The following CDH10 variants were observed in gnomAD, a reference collection of about 807,000 sequenced individuals.
The protein encoded by CDH10 is cadherin 10.
CDH10 carries 30 observed loss-of-function variants against 73.1 expected under a neutral mutation model. The observed-to-expected ratio is 0.41, with a 90% CI of 0.31 to 0.56. The LOEUF (loss-of-function observed/expected upper bound fraction) is 0.56. Among genes scored for constraint, CDH10 ranks in the 20% least tolerant of loss-of-function variants. CDH10 has a pLI of 0.27. For synonymous variants in CDH10, 345 were observed against 348.2 expected, an observed-to-expected ratio of 0.99 and a Z score of 0.10; for missense variants, 815 against 973.7, an observed-to-expected ratio of 0.84 and a Z score of 2.17.
At chr5:24,604,192 A>G (rs948439972) in intron 1 of CDH10, among the ~76,000 whole-genome samples, 3 of 152,048 alleles carry the variant, frequency 2.0e-5, no homozygotes, top group Non-Finnish European at 2.9e-5. Flanking sequence ...CTACAAAAAA[A>G]TTTAAAAATT....
chr5:24,490,127 ATAT>A (rs1174292511), intron 11 of CDH10, among the ~76,000 whole-genome samples: 1 of 152,156 alleles, frequency 6.6e-6, no homozygotes, highest in Non-Finnish European at 1.5e-5. Flanking sequence ...ACTACCATTA[ATAT>A]TATTCTTACT....
Position 24,582,324 on chromosome 5 carries a change from G to C in CDH10, c.231+10936C>G, listed in dbSNP as rs149060480. ...CAACAATATTTGGCAAAAGAAGAAA[G>C]ACAAAAGATTATCTGAACTATGATT... On this transcript the variant is annotated intron_variant, in intron 2 of 11. Coordinates refer to ENST00000264463, the MANE Select transcript of CDH10 (RefSeq NM_006727.5). 1.3e-3 allele frequency among the ~76,000 whole-genome samples: 205 copies of C among 152,202 alleles called. 6 individuals carry two copies. The East Asian group carries it at 0.038, about 28-fold the overall frequency.
chr5:24,597,602 T>A (rs959844508), intron 1 of CDH10, among the ~76,000 whole-genome samples: 6 of 152,234 alleles, frequency 3.9e-5, no homozygotes, highest in African/African-American at 1.4e-4. Context: ...TTAATCATGC[T>A]GTCAACTATG....
chr5:24,537,091 G>C (rs1222371189), intron 3 of CDH10, among the ~76,000 whole-genome samples: 1 of 151,506 alleles, frequency 6.6e-6, no homozygotes, highest in African/African-American at 2.4e-5. Flanking sequence ...TGAATCCAAG[G>C]GACAAAAAAA....
At chr5:24,509,391 C>G (rs941419712) in intron 7 of CDH10, among the ~76,000 whole-genome samples, 175 bp downstream of exon 7, 12 of 151,754 alleles carry the variant, frequency 7.9e-5, no homozygotes, top group Admixed American at 7.9e-4. Flanking sequence ...AGGCACGTGC[C>G]ACCAAGACCG....
intron 1 of CDH10, among the ~76,000 whole-genome samples, chr5:24,626,649 A>AG: frequency 6.6e-6 from 1 of 151,812 alleles, no homozygotes; most frequent in Non-Finnish European, 1.5e-5. Context: ...ACTGGCATAC[A>AG]CCTGTAATCC....
chr5:24,548,730 CAAAA>C (rs1251524842), intron 2 of CDH10, among the ~76,000 whole-genome samples: 2 of 151,928 alleles, frequency 1.3e-5, no homozygotes, highest in East Asian at 3.9e-4. Flanking sequence ...ATCTGATAAA[CAAAA>C]AGAAAACTTT....
At chr5:24,537,719 T>C (rs1744010593) in intron 2 of CDH10, 45 bp from the exon 3 acceptor site, 1 of 1,234,450 alleles carries the variant, frequency 8.1e-7, no homozygotes, top group African/African-American at 1.5e-5. Context: ...TGTATAAAGG[T>C]GCAGGATGCT....
chr5:24,518,683 T>C (rs1416136751), intron 5 of CDH10, among the ~76,000 whole-genome samples: 1 of 152,026 alleles, frequency 6.6e-6, no homozygotes, highest in African/African-American at 2.4e-5. Flanking sequence ...CCCCTTTCAA[T>C]GAATATCATG....
intron 5 of CDH10, among the ~76,000 whole-genome samples, chr5:24,515,117 A>G (rs1743060544): frequency 6.6e-6 from 1 of 152,224 alleles, no homozygotes. Flanking sequence ...AATTAAAAAT[A>G]ACAGATAGTA....
In CDH10 at chr5:24,532,799, C is replaced by T. The variant is rs1194457800; in HGVS notation, c.814+2313G>A. Among the ~76,000 whole-genome samples the T allele has an allele frequency of 6.6e-5, 10 of 152,064 alleles. No individual in the cohort carries two copies. The East Asian group carries it at 1.9e-3, about 30-fold the overall frequency. On this transcript the variant is annotated intron_variant, in intron 5 of 11. Coordinates refer to ENST00000264463, the MANE Select transcript of CDH10 (RefSeq NM_006727.5). ...CTTTATCATTTCTATCCTAAGCCTCCTTTTCTTCTACACTTTGGGTATAAT... is the reference window on the plus strand; with the variant it reads ...CTTTATCATTTCTATCCTAAGCCTCTTTTTCTTCTACACTTTGGGTATAAT...
chr5:24,509,297 T>TG (rs1742809930), intron 7 of CDH10, among the ~76,000 whole-genome samples: 1 of 121,524 alleles, frequency 8.2e-6, no homozygotes, highest in Non-Finnish European at 1.6e-5. Context: ...TGGAATGCAA[T>TG]GGCACGATCT....
At position 24,537,484 on chromosome 5, in the gene CDH10, T is replaced by C. The variant is rs2111894230; in HGVS notation, c.422A>G (p.Glu141Gly). 6.2e-7 allele frequency: 1 copy of C among 1,612,814 alleles called. No individual in the cohort carries two copies. Among genetic ancestry groups the C allele is most frequent in the Non-Finnish European group, 8.5e-7 (1 of 1,178,996 alleles). ...AINRRTLRPV[E>G]PESEFVIKIH... ...TTTGATCACAAACTCTGACTCTGGC[T>C]CTACTGGCCTCAGAGTTCTTCTGTT... Residue 141 changes from glutamate (E) to glycine (G), a missense_variant, in exon 3 of 12, where the codon GAG (glutamate) becomes GGG (glycine). Around this residue, in one of 3 missense-constraint regions of CDH10, gnomAD observed 516 missense variants for 636.6 expected, o/e 0.81. Coordinates refer to ENST00000264463, the MANE Select transcript of CDH10 (RefSeq NM_006727.5).
intron 2 of CDH10, among the ~76,000 whole-genome samples, chr5:24,577,150 C>T (rs1745638348): frequency 6.6e-6 from 1 of 151,380 alleles, no homozygotes; most frequent in Non-Finnish European, 1.5e-5. Context: ...GCTAAATGCA[C>T]TGTAGTTTTC....
chr5:24,529,250 G>C (rs1743639339), intron 5 of CDH10, among the ~76,000 whole-genome samples: 1 of 151,914 alleles, frequency 6.6e-6, no homozygotes, highest in Non-Finnish European at 1.5e-5. Context: ...GCATGCATAG[G>C]TATGACATCT....
At chr5:24,499,160 T>G (rs989865193) in intron 8 of CDH10, among the ~76,000 whole-genome samples, 4 of 152,234 alleles carry the variant, frequency 2.6e-5, no homozygotes, top group Non-Finnish European at 5.9e-5. Context: ...TTTGAAAATT[T>G]TATTATATGG....
intron 1 of CDH10, among the ~76,000 whole-genome samples, chr5:24,641,671 C>A (rs990310720): frequency 3.3e-5 from 5 of 151,964 alleles, no homozygotes; most frequent in Middle Eastern, 3.2e-3. Flanking sequence ...ATAATATGAA[C>A]CATATATTGT....
At chr5:24,591,256 A>G (rs1462719167) in intron 2 of CDH10, among the ~76,000 whole-genome samples, 9 of 152,042 alleles carry the variant, frequency 5.9e-5, no homozygotes, top group Non-Finnish European at 1.3e-4. Context: ...TAAAGCATCT[A>G]TTTCACAGAT....
chr5:24,581,239 C>T (rs1344328476), intron 2 of CDH10, among the ~76,000 whole-genome samples: 4 of 147,004 alleles, frequency 2.7e-5, no homozygotes, highest in Non-Finnish European at 4.6e-5. Flanking sequence ...TTGCTTTCCT[C>T]AAATATTCAC....
Sources: gnomAD v4.1 joint callset for allele counts (sites outside exome capture counted in the v4.1 genomes callset) on GRCh38, gnomAD v4.1.1 for gene constraint, gnomAD v4.1.1 regional missense constraint, MANE v1.5 for transcripts, NCBI Gene and HGNC (gene_info 2026-07-23, HGNC 2026-07-21) for gene names.